The following ZNF292 variants were observed in gnomAD, a reference collection of about 807,000 sequenced individuals.
ZNF292 encodes 16 zinc-finger domain protein.
In ZNF292, 26 loss-of-function variants were observed where a neutral mutation model predicts 217.9. The observed-to-expected ratio is 0.12, with a 90% CI of 0.09 to 0.17. The LOEUF (loss-of-function observed/expected upper bound fraction) is 0.17, where lower values mean the gene tolerates loss of function less well. ZNF292 is among the 10% of genes least tolerant of loss of function. The probability of loss-of-function intolerance (pLI) is 1.00; values close to 1 mark genes in which losing one functional copy is unlikely to be tolerated. For missense variants in ZNF292, 2,904 were observed against 3,175.2 expected (o/e 0.91, Z 2.05); for synonymous variants, 1,257 against 1,124.1 (o/e 1.12, Z -2.37).
At chr6:87,212,315 T>C (rs1772525316) in intron 1 of ZNF292, among the ~76,000 whole-genome samples, 1 of 152,050 alleles carries the variant, frequency 6.6e-6, no homozygotes, top group Admixed American at 6.6e-5. Context: ...GTTTAGGAGG[T>C]CTTGTGGAGT....
intron 1 of ZNF292, among the ~76,000 whole-genome samples, chr6:87,203,298 T>C (rs1772146916): frequency 6.6e-6 from 1 of 151,720 alleles, no homozygotes; most frequent in South Asian, 2.1e-4. Context: ...CATGTCACCA[T>C]ATCTGGCTAA....
At chr6:87,237,400 C>T (rs1773956253) in intron 5 of ZNF292, among the ~76,000 whole-genome samples, 1 of 152,082 alleles carries the variant, frequency 6.6e-6, no homozygotes. Flanking sequence ...CGCCGCCATG[C>T]CTGGCTAATT....
chr6:87,156,757 G>A (rs982464620), intron 1 of ZNF292, among the ~76,000 whole-genome samples: 2 of 152,246 alleles, frequency 1.3e-5, no homozygotes, highest in South Asian at 4.1e-4. Context: ...TAATAACACT[G>A]TTTGCTAGTG....
At chr6:87,239,851 G>A (rs1562166213) in intron 5 of ZNF292, among the ~76,000 whole-genome samples, 2 of 150,206 alleles carry the variant, frequency 1.3e-5, no homozygotes, top group East Asian at 2.0e-4. Context: ...GGGAAGAGGC[G>A]CTCCTCACTT....
At position 87,216,068 on chromosome 6, in the gene ZNF292, C is replaced by CTT; in HGVS notation, c.323+13_323+14dup. 2 of 1,531,980 alleles carry CTT rather than the reference C, an allele frequency of 1.3e-6. No homozygotes were observed. The highest frequency in any genetic ancestry group is 1.7e-6 in the Non-Finnish European group (2 of 1,144,532). The allele number at this position is 1,531,980 out of a possible 1,614,324, so 94.9% of individuals were successfully genotyped here. ...GGAACGCTTGGCATTGTGAGTAGAC[C>CTT]TTTGAGTAAATAAACTAGATTTAGC... On this transcript the variant is annotated intron_variant, in intron 2 of 7. Coordinates refer to ENST00000369577, the MANE Select transcript of ZNF292 (RefSeq NM_015021.3).
chr6:87,231,274 T>G (rs1773640801), intron 4 of ZNF292, among the ~76,000 whole-genome samples: 1 of 152,178 alleles, frequency 6.6e-6, no homozygotes, highest in South Asian at 2.1e-4. Context: ...TCACAGGTTT[T>G]TACTGCTGTA....
At position 87,169,800 on chromosome 6, in the gene ZNF292, C is replaced by T. The variant is rs188488475; in HGVS notation, c.168+14041C>T. 1,280 of 327,722 alleles carry T rather than the reference C, an allele frequency of 3.9e-3. 6 individuals carry two copies. The highest frequency in any genetic ancestry group is 6.1e-3 in the Non-Finnish European group (971 of 159,894). 20.3% of individuals were successfully genotyped at this position (327,722 alleles called of 1,614,324 possible). A position where few individuals can be genotyped will look rare whatever the true frequency, so the allele number is the denominator to read the frequency against. On this transcript the variant is annotated intron_variant, in intron 1 of 7. Coordinates refer to ENST00000369577, the MANE Select transcript of ZNF292 (RefSeq NM_015021.3). Reference sequence around the variant, plus strand: ...TAGCTGGGACTACAGATGTGCGCTACCATGCCCAGCTGATTTTTGGAAATT... The same window carrying T: ...TAGCTGGGACTACAGATGTGCGCTATCATGCCCAGCTGATTTTTGGAAATT...
chr6:87,224,872 T>A (rs1039148118), intron 4 of ZNF292, among the ~76,000 whole-genome samples: 1 of 152,140 alleles, frequency 6.6e-6, no homozygotes, highest in Non-Finnish European at 1.5e-5. Context: ...TTCAGATCAG[T>A]TGGGTGAAAA....
chr6:87,177,502 A>C (rs996377190), intron 1 of ZNF292, among the ~76,000 whole-genome samples: 4 of 152,180 alleles, frequency 2.6e-5, no homozygotes, highest in Non-Finnish European at 4.4e-5. Flanking sequence ...AGGAAAATTT[A>C]ACAAATATTT....
chr6:87,239,791 A>C (rs1774156307), intron 5 of ZNF292, among the ~76,000 whole-genome samples: 2 of 141,994 alleles, frequency 1.4e-5, no homozygotes. Context: ...ATCTCAGACA[A>C]TGGGCAGCCG....
intron 1 of ZNF292, among the ~76,000 whole-genome samples, chr6:87,204,503 AT>A (rs918447333): frequency 3.6e-5 from 5 of 139,572 alleles, no homozygotes; most frequent in Non-Finnish European, 4.6e-5. Flanking sequence ...TGTTTCAAAA[AT>A]TTTTTTTTAA....
chr6:87,205,412 AT>A (rs1255236011), intron 1 of ZNF292, among the ~76,000 whole-genome samples: 1 of 151,078 alleles, frequency 6.6e-6, no homozygotes, highest in Admixed American at 6.6e-5. Flanking sequence ...TATGATAATT[AT>A]TTTTTTTTCT....
chr6:87,238,085 G>A (rs1393886391), intron 5 of ZNF292, among the ~76,000 whole-genome samples: 2 of 152,148 alleles, frequency 1.3e-5, no homozygotes, highest in South Asian at 2.1e-4. Context: ...GTATGCCTAT[G>A]AGAAATGAAG....
At chr6:87,244,603 G>A (rs992492302) in intron 6 of ZNF292, among the ~76,000 whole-genome samples, 2 of 152,148 alleles carry the variant, frequency 1.3e-5, no homozygotes, top group African/African-American at 4.8e-5. Flanking sequence ...AGTAGTGAGG[G>A]CAGAGTTGGG....
intron 3 of ZNF292, among the ~76,000 whole-genome samples, chr6:87,216,819 G>T (rs1291038957): frequency 6.6e-6 from 1 of 151,984 alleles, no homozygotes; most frequent in African/African-American, 2.4e-5. Context: ...GCCCAAACTT[G>T]TCTAGCTAAG....
chr6:87,155,605 A>G lies in ZNF292; in HGVS notation c.14A>G (p.Glu5Gly), dbSNP rs1208439722. 1 of 1,580,808 alleles carries G rather than the reference A, an allele frequency of 6.3e-7. No individual in the cohort carries two copies. The highest frequency in any genetic ancestry group is 1.8e-5 in the Admixed American group (1 of 54,442). Reference protein sequence around the residue: MADEEAEQERLSCGE... With the variant: MADEGAEQERLSCGE... Reference sequence around the variant, plus strand: ...CGGGGTGTGAAGATGGCGGACGAAGAGGCCGAGCAGGAGAGGTTGAGTTGC... The same window carrying G: ...CGGGGTGTGAAGATGGCGGACGAAGGGGCCGAGCAGGAGAGGTTGAGTTGC... Residue 5 changes from glutamate to glycine, a missense_variant, in exon 1 of 8, where the codon GAG (glutamate) becomes GGG (glycine). Glu to Gly is a moderately conservative substitution (Grantham distance 98). Transcript: ENST00000369577.
rs1030300596 is a variant in ZNF292, at chr6:87,214,040, A to T, written c.169-1863A>T. ...ATGTCAAAGTGCCACAGTTTGGGGT[A>T]TCAGTTTCTGAGCCCCAGCACCTGC... On this transcript the variant is annotated intron_variant, in intron 1 of 7. Transcript: ENST00000369577. Among the ~76,000 whole-genome samples the T allele has an allele frequency of 6.6e-5, 10 of 152,338 alleles. No homozygotes were observed. The East Asian group carries it at 1.5e-3, about 23-fold the overall frequency.
Position 87,257,225 on chromosome 6 carries a change from T to C in ZNF292, c.3596T>C (p.Val1199Ala). 6.2e-7 allele frequency: 1 copy of C among 1,613,870 alleles called. No individual in the cohort carries two copies. Among genetic ancestry groups the C allele is most frequent in the Non-Finnish European group, 8.5e-7 (1 of 1,179,844 alleles). Residue 1199 changes from valine to alanine, a missense_variant, in exon 8 of 8, where the codon GTG (valine) becomes GCG (alanine). By Grantham distance (64) the Val-to-Ala change is moderately conservative. This residue lies in a region of ZNF292 where 687 missense variants were observed against 623.0 expected (regional missense o/e 1.10). Transcript: ENST00000369577. ...ATTTTTCCAGCTCATTTAGCAAGTG[T>C]GTCAACTCCATTGTTGTCCTCAATG... ...PPIFPAHLAS[V>A]STPLLSSMES...
chr6:87,190,791 G>C (rs1187106871), intron 1 of ZNF292, among the ~76,000 whole-genome samples: 1 of 152,154 alleles, frequency 6.6e-6, no homozygotes, highest in Non-Finnish European at 1.5e-5. Context: ...CATTTAAATA[G>C]TTAATAAACA....
Sources: gnomAD v4.1 joint callset for allele counts (sites outside exome capture counted in the v4.1 genomes callset) on GRCh38, gnomAD v4.1.1 for gene constraint, gnomAD v4.1.1 regional missense constraint, MANE v1.5 for transcripts, NCBI Gene and HGNC (gene_info 2026-07-23, HGNC 2026-07-21) for gene names.